Variants in RANBP2 observed in about 807,000 individuals in gnomAD.
The protein encoded by RANBP2 is E3 SUMO-protein ligase RanBP2.
In RANBP2, 57 loss-of-function variants were observed where a neutral mutation model predicts 303.6. The observed-to-expected ratio is 0.19, with a 90% CI of 0.15 to 0.23. The LOEUF (loss-of-function observed/expected upper bound fraction) is 0.23, where lower values mean the gene tolerates loss of function less well. Ranked by LOEUF, RANBP2 falls within the 10% of genes least tolerant of loss-of-function variation. The probability of loss-of-function intolerance (pLI) is 1.00; values close to 1 mark genes in which losing one functional copy is unlikely to be tolerated. For missense variants in RANBP2, 3,138 were observed against 3,780.8 expected (o/e 0.83, Z 4.46); for synonymous variants, 1,167 against 1,301.5 (o/e 0.90, Z 2.23).
At chr2:109,398,994 T>C in the RANBP2 span, 21 of 1,521,892 alleles carry the variant, frequency 1.4e-5, no homozygotes, top group Admixed American at 1.9e-5. Flanking sequence ...TGGGGTTCTA[T>C]CCTCAGCTCC....
chr2:109,335,276 T>C, the RANBP2 span, among the ~76,000 whole-genome samples: 4 of 152,216 alleles, frequency 2.6e-5, no homozygotes, highest in Non-Finnish European at 5.9e-5. Flanking sequence ...GAACGGCTCT[T>C]TCTAGCATGT....
At chr2:108,912,274 G>A in the RANBP2 span, among the ~76,000 whole-genome samples, 1 of 152,210 alleles carries the variant, frequency 6.6e-6, no homozygotes, top group Non-Finnish European at 1.5e-5. Context: ...AGAATGAAAT[G>A]TACATTCTGC....
chr2:109,458,027 T>C, the RANBP2 span, among the ~76,000 whole-genome samples: 2 of 151,972 alleles, frequency 1.3e-5, no homozygotes, highest in African/African-American at 4.8e-5. Context: ...GGTTTTATTT[T>C]GTTTTTTCAG....
chr2:109,492,805 CT>C, the RANBP2 span, among the ~76,000 whole-genome samples: 4 of 152,162 alleles, frequency 2.6e-5, no homozygotes, highest in East Asian at 7.7e-4. Context: ...GTCACAGGGC[CT>C]ATTATCAGCT....
the RANBP2 span, among the ~76,000 whole-genome samples, chr2:109,414,232 T>C: frequency 0.035 from 5,345 of 152,266 alleles, 283 homozygotes; most frequent in African/African-American, 0.11. Flanking sequence ...CACGAGCCTT[T>C]GTTGAGGGCC....
the RANBP2 span, among the ~76,000 whole-genome samples, chr2:109,562,376 C>T: frequency 6.6e-6 from 1 of 151,920 alleles, no homozygotes; most frequent in Non-Finnish European, 1.5e-5. Context: ...ACCTGCCCCC[C>T]TCCCCCAACT....
At chr2:108,979,278 G>T in the RANBP2 span, among the ~76,000 whole-genome samples, 3 of 152,144 alleles carry the variant, frequency 2.0e-5, no homozygotes, top group Non-Finnish European at 2.9e-5. Context: ...TCATCTGGTT[G>T]GAGAAGTTTA....
chr2:109,297,140 G>A, the RANBP2 span, among the ~76,000 whole-genome samples: 2 of 152,002 alleles, frequency 1.3e-5, no homozygotes, highest in African/African-American at 4.8e-5. Flanking sequence ...AAGCTGTGGG[G>A]GCAGTGAGCT....
the RANBP2 span, among the ~76,000 whole-genome samples, chr2:109,042,245 A>G: frequency 8.5e-5 from 13 of 152,318 alleles, no homozygotes; most frequent in African/African-American, 2.6e-4. Context: ...TCCAGATTTC[A>G]TAATTCTGTT....
At chr2:109,236,773 G>C in the RANBP2 span, among the ~76,000 whole-genome samples, 15 of 152,172 alleles carry the variant, frequency 9.9e-5, 1 homozygote, top group African/African-American at 3.6e-4. Context: ...CCTGAAGTGA[G>C]GGGTGAGCCT....
At chr2:109,525,084 T>G in the RANBP2 span, among the ~76,000 whole-genome samples, 3 of 151,696 alleles carry the variant, frequency 2.0e-5, no homozygotes, top group African/African-American at 7.3e-5. Flanking sequence ...CCGTTGTTTT[T>G]TTTTTTTTTT....
At chr2:109,305,839 A>G in the RANBP2 span, among the ~76,000 whole-genome samples, 1 of 152,200 alleles carries the variant, frequency 6.6e-6, no homozygotes, top group African/African-American at 2.4e-5. Flanking sequence ...ACTGAGAAAG[A>G]GCAGGTGACA....
At chr2:109,178,594 G>C in the RANBP2 span, among the ~76,000 whole-genome samples, 9 of 152,152 alleles carry the variant, frequency 5.9e-5, no homozygotes, top group African/African-American at 2.2e-4. Flanking sequence ...TTATTTTTCA[G>C]AACCAAAAGA....
chr2:109,060,556 G>T, the RANBP2 span, among the ~76,000 whole-genome samples: 16 of 152,168 alleles, frequency 1.1e-4, no homozygotes, highest in African/African-American at 2.7e-4. Flanking sequence ...CTTGTGAATA[G>T]ATAATACTCA....
the RANBP2 span, among the ~76,000 whole-genome samples, chr2:109,018,521 T>A: frequency 2.6e-4 from 39 of 152,228 alleles, no homozygotes; most frequent in African/African-American, 8.0e-4. Flanking sequence ...CCGTTGCCTG[T>A]ACCAAAGTCT....
chr2:109,480,902 T>A, the RANBP2 span, among the ~76,000 whole-genome samples: 327 of 152,240 alleles, frequency 2.1e-3, no homozygotes, highest in African/African-American at 7.4e-3. Flanking sequence ...GGTTTCTGTC[T>A]TAAAAGAATG....
At chr2:108,930,691 ACACAGGGCTGTGTGTATCACAC>A in the RANBP2 span, among the ~76,000 whole-genome samples, 1 of 152,074 alleles carries the variant, frequency 6.6e-6, no homozygotes, top group Non-Finnish European at 1.5e-5. Flanking sequence ...CATCACATAG[ACACAGGGCTGTGTGTATCACAC>A]CACAAACAAG....
the RANBP2 span, among the ~76,000 whole-genome samples, chr2:109,041,950 ATGT>A: frequency 6.6e-6 from 1 of 152,062 alleles, no homozygotes; most frequent in Admixed American, 6.6e-5. Context: ...TTGTTTTGTA[ATGT>A]TAAACAAATT....
At chr2:109,764,089 G>GT in the RANBP2 span, among the ~76,000 whole-genome samples, 4,487 of 147,954 alleles carry the variant, frequency 0.03, 217 homozygotes, top group Non-Finnish European at 0.038. Context: ...CCAGATGGCT[G>GT]TTTCAACTTT....
Sources: allele counts gnomAD v4.1 joint callset (sites outside exome capture counted in the v4.1 genomes callset), GRCh38; gene constraint gnomAD v4.1.1; transcripts MANE v1.5; gene names NCBI Gene and HGNC (gene_info 2026-07-23, HGNC 2026-07-21).